The following GPHN variants were observed in gnomAD, a reference collection of about 807,000 sequenced individuals.
GPHN encodes the protein gephyrin.
GPHN carries 17 observed loss-of-function variants against 95.5 expected under a neutral mutation model. That is an observed-to-expected ratio of 0.18 (90% CI 0.12 to 0.27). The LOEUF (loss-of-function observed/expected upper bound fraction) is 0.27. Ranked by LOEUF, GPHN falls within the 10% of genes least tolerant of loss-of-function variation. The probability of loss-of-function intolerance (pLI) is 1.00; values close to 1 mark genes in which losing one functional copy is unlikely to be tolerated. For synonymous variants in GPHN, 320 were observed against 322.5 expected (o/e 0.99, Z 0.08); for missense variants, 660 against 978.1 (o/e 0.67, Z 4.34).
chr14:67,592,474 A>C, the GPHN span: 4 of 575,560 alleles, frequency 6.9e-6, no homozygotes, highest in Non-Finnish European at 1.3e-5. Flanking sequence ...ATTTTTAAGG[A>C]ATACATTTGC....
At chr14:66,546,879 A>G (rs186615211) in intron 1 of GPHN, among the ~76,000 whole-genome samples, 3 of 152,290 alleles carry the variant, frequency 2.0e-5, no homozygotes, top group African/African-American at 4.8e-5. Flanking sequence ...GCCTTTCAAG[A>G]TTGAATAGAT....
intron 4 of GPHN, among the ~76,000 whole-genome samples, chr14:66,844,429 G>A (rs1034754787): frequency 3.9e-5 from 6 of 152,122 alleles, no homozygotes; most frequent in African/African-American, 1.2e-4. Flanking sequence ...AAGAGTCTAA[G>A]GAGGAGATGT....
chr14:67,376,536 A>T, the GPHN span: 1 of 1,614,150 alleles, frequency 6.2e-7, no homozygotes, highest in South Asian at 1.1e-5. Flanking sequence ...GTCTTTGATG[A>T]CAAGTACAAG....
intron 2 of GPHN, among the ~76,000 whole-genome samples, chr14:66,689,402 C>A (rs1354070948): frequency 6.6e-6 from 1 of 152,144 alleles, no homozygotes; most frequent in Non-Finnish European, 1.5e-5. Context: ...TGGGATAAAT[C>A]CTACTTGATG....
At chr14:66,659,466 C>A (rs2065507058) in intron 1 of GPHN, among the ~76,000 whole-genome samples, 2 of 151,864 alleles carry the variant, frequency 1.3e-5, no homozygotes, top group African/African-American at 2.4e-5. Flanking sequence ...CTGTTGAGTT[C>A]TTCTGTATCT....
the GPHN span, among the ~76,000 whole-genome samples, chr14:67,275,720 C>T: frequency 2.4e-3 from 362 of 152,224 alleles, 4 homozygotes; most frequent in African/African-American, 8.2e-3. Flanking sequence ...TTGTACCTCT[C>T]GTAGAATTTG....
the GPHN span, among the ~76,000 whole-genome samples, chr14:67,531,972 A>T: frequency 6.6e-6 from 1 of 151,852 alleles, no homozygotes; most frequent in Non-Finnish European, 1.5e-5. Flanking sequence ...AAATCCAGAG[A>T]ACGTGTTTTT....
At chr14:67,711,522 C>G in the GPHN span, among the ~76,000 whole-genome samples, 5 of 152,112 alleles carry the variant, frequency 3.3e-5, no homozygotes, top group African/African-American at 4.8e-5. Context: ...AAGTGCTTTT[C>G]TTTTTCTTTA....
intron 2 of GPHN, among the ~76,000 whole-genome samples, chr14:66,762,267 T>C (rs1249845354): frequency 6.6e-6 from 1 of 152,120 alleles, no homozygotes; most frequent in Non-Finnish European, 1.5e-5. Flanking sequence ...TAATTACCAA[T>C]GGTTCATGTC....
intron 1 of GPHN, among the ~76,000 whole-genome samples, chr14:66,671,187 T>G (rs1595485900): frequency 6.6e-6 from 1 of 152,218 alleles, no homozygotes; most frequent in Admixed American, 6.5e-5. Context: ...TTGATTTAAC[T>G]TGGCATATTA....
chr14:67,626,003 C>G, the GPHN span, among the ~76,000 whole-genome samples: 1 of 152,096 alleles, frequency 6.6e-6, no homozygotes, highest in Admixed American at 6.6e-5. Context: ...CCTGTAATCC[C>G]AGTACTTTGG....
chr14:67,125,230 G>T (rs936551020), intron 17 of GPHN, among the ~76,000 whole-genome samples: 1 of 152,090 alleles, frequency 6.6e-6, no homozygotes, highest in African/African-American at 2.4e-5. Flanking sequence ...AATGTGGGAG[G>T]AAAGAATTTA....
chr14:66,580,455 T>C (rs1203858459), intron 1 of GPHN, among the ~76,000 whole-genome samples: 1 of 146,672 alleles, frequency 6.8e-6, no homozygotes, highest in Non-Finnish European at 1.5e-5. Context: ...AACCTTTAGC[T>C]AGACTGAAAA....
the GPHN span, among the ~76,000 whole-genome samples, chr14:67,418,648 C>T: frequency 6.6e-6 from 1 of 152,188 alleles, no homozygotes; most frequent in Non-Finnish European, 1.5e-5. Flanking sequence ...AGTGCGAAGT[C>T]AGCCTCTGTT....
chr14:67,166,094 G>T (rs72717316), intron 20 of GPHN, among the ~76,000 whole-genome samples: 7,733 of 152,038 alleles, frequency 0.051, 212 homozygotes, highest in Middle Eastern at 0.068. Context: ...TTTAGGTCAA[G>T]TATATCTCAA....
the GPHN span, among the ~76,000 whole-genome samples, chr14:67,345,323 G>A: frequency 6.6e-5 from 10 of 152,088 alleles, no homozygotes; most frequent in African/African-American, 1.4e-4. Flanking sequence ...TTGGGAGGCC[G>A]AGGCGGGTGG....
At chr14:66,687,033 G>A (rs534475908) in intron 2 of GPHN, among the ~76,000 whole-genome samples, 2 of 152,258 alleles carry the variant, frequency 1.3e-5, no homozygotes, top group East Asian at 1.9e-4. Flanking sequence ...CTTTGGTTCT[G>A]TTTATATGCT....
chr14:67,057,770 A>G (rs7161664), intron 10 of GPHN, among the ~76,000 whole-genome samples: 50,386 of 151,546 alleles, frequency 0.33, 13,469 homozygotes, highest in African/African-American at 0.72. Context: ...TCATGGCAGG[A>G]TATATTTTAC....
intron 9 of GPHN, among the ~76,000 whole-genome samples, chr14:66,995,692 A>G (rs1015557848): frequency 2.0e-5 from 3 of 152,170 alleles, no homozygotes; most frequent in South Asian, 2.1e-4. Context: ...TTCAGTGGAG[A>G]AAGAGAGGTT....
Sources: gnomAD v4.1 joint callset for allele counts (sites outside exome capture counted in the v4.1 genomes callset) on GRCh38, gnomAD v4.1.1 for gene constraint, MANE v1.5 for transcripts, NCBI Gene and HGNC (gene_info 2026-07-23, HGNC 2026-07-21) for gene names.